The following TMEM272 variants were observed in gnomAD, a reference collection of about 807,000 sequenced individuals.
The protein encoded by TMEM272 is transmembrane protein 272.
Under a neutral mutation model 3.7 loss-of-function variants are expected in TMEM272, and 8 were observed. The observed-to-expected ratio is 2.17, with a 90% CI of 1.27 to 3.91. The LOEUF is 3.91. Ranked by LOEUF, TMEM272 falls within the 30% of genes most tolerant of loss-of-function variation. TMEM272 has a pLI of 0.00. For missense variants in TMEM272, 166 were observed against 91.5 expected (o/e 1.81, Z -3.32); for synonymous variants, 63 against 39.8 (o/e 1.58, Z -2.20).
the TMEM272 span, among the ~76,000 whole-genome samples, chr13:51,870,324 T>C: frequency 1.3e-5 from 2 of 152,146 alleles, no homozygotes; most frequent in South Asian, 2.1e-4. Context: ...AAAATACACA[T>C]AGAAAGGGTC....
the TMEM272 span, among the ~76,000 whole-genome samples, chr13:51,852,407 A>T: frequency 6.6e-6 from 1 of 152,206 alleles, no homozygotes; most frequent in Admixed American, 6.5e-5. Context: ...AGTGAACATG[A>T]CAAAGTCTCC....
the TMEM272 span, among the ~76,000 whole-genome samples, chr13:51,896,787 G>A: frequency 1.3e-5 from 2 of 152,184 alleles, no homozygotes; most frequent in Non-Finnish European, 2.9e-5. Flanking sequence ...GAGAACAGTG[G>A]TCTCAGTTGG....
upstream of TMEM272, among the ~76,000 whole-genome samples, chr13:51,847,798 T>G (rs34507703): frequency 0.012 from 1,849 of 152,272 alleles, 15 homozygotes; most frequent in African/African-American, 0.014. Context: ...GAGCACATTT[T>G]AGCCCTGACA....
the TMEM272 span, among the ~76,000 whole-genome samples, chr13:51,861,166 AATACAC>A: frequency 6.6e-6 from 1 of 152,174 alleles, no homozygotes; most frequent in Non-Finnish European, 1.5e-5. Flanking sequence ...AAAAAAGTCA[AATACAC>A]AGACAAAGAA....
the TMEM272 span, among the ~76,000 whole-genome samples, chr13:51,863,706 CACACCAGCT>C: frequency 1.3e-4 from 17 of 128,828 alleles, no homozygotes; most frequent in African/African-American, 4.5e-4. Flanking sequence ...CACACACACA[CACACCAGCT>C]ATGTGTCTTT....
At chr13:51,904,940 A>G in the TMEM272 span, among the ~76,000 whole-genome samples, 1 of 152,176 alleles carries the variant, frequency 6.6e-6, no homozygotes. Flanking sequence ...ACATTTTGGA[A>G]TAGATAATTG....
the TMEM272 span, among the ~76,000 whole-genome samples, chr13:51,860,854 T>C: frequency 2.0e-5 from 3 of 151,286 alleles, no homozygotes; most frequent in Non-Finnish European, 4.4e-5. Context: ...TATATGTATA[T>C]AGAAAAGCAC....
At chr13:51,853,998 T>C in the TMEM272 span, among the ~76,000 whole-genome samples, 1 of 152,194 alleles carries the variant, frequency 6.6e-6, no homozygotes, top group Non-Finnish European at 1.5e-5. Flanking sequence ...TTTAAAATAA[T>C]AGCATTGAAA....
the TMEM272 span, among the ~76,000 whole-genome samples, chr13:51,906,637 A>G: frequency 6.6e-6 from 1 of 152,208 alleles, no homozygotes; most frequent in Admixed American, 6.5e-5. Flanking sequence ...ATAAGAAAAT[A>G]ATATGTCCAT....
At chr13:51,868,843 T>C in the TMEM272 span, among the ~76,000 whole-genome samples, 1 of 152,208 alleles carries the variant, frequency 6.6e-6, no homozygotes, top group East Asian at 1.9e-4. Flanking sequence ...TACTAGAAGA[T>C]TCAGAGGCGC....
the TMEM272 span, among the ~76,000 whole-genome samples, chr13:51,868,896 A>AT: frequency 1.3e-5 from 2 of 152,194 alleles, no homozygotes; most frequent in Non-Finnish European, 2.9e-5. Context: ...TCACCACTAA[A>AT]TTCATCTTCC....
intron 4 of TMEM272, among the ~76,000 whole-genome samples, chr13:51,818,847 G>A (rs1251548961): frequency 2.0e-5 from 3 of 152,176 alleles, no homozygotes; most frequent in Admixed American, 1.3e-4. Context: ...CTGGGGCCGC[G>A]TATTATCTCT....
At chr13:51,852,602 G>A in the TMEM272 span, among the ~76,000 whole-genome samples, 66 of 152,258 alleles carry the variant, frequency 4.3e-4, no homozygotes, top group African/African-American at 1.3e-3. Flanking sequence ...ACCCGCGGCC[G>A]GGCGCGGTGG....
At chr13:51,865,806 G>A in the TMEM272 span, 1 of 1,614,216 alleles carries the variant, frequency 6.2e-7, no homozygotes, top group African/African-American at 1.3e-5. Context: ...AATGCCTTAT[G>A]GGAAAGAGAC....
chr13:51,869,466 T>TA, the TMEM272 span, among the ~76,000 whole-genome samples: 2 of 151,202 alleles, frequency 1.3e-5, no homozygotes, highest in African/African-American at 2.4e-5. Flanking sequence ...CACTTTAAGT[T>TA]AAAAAACCCA....
the TMEM272 span, among the ~76,000 whole-genome samples, chr13:51,875,214 T>C: frequency 6.6e-6 from 1 of 152,194 alleles, no homozygotes; most frequent in South Asian, 2.1e-4. Flanking sequence ...GGTGCTAGTA[T>C]TAGCTTTGGT....
chr13:51,826,512 C>A, intron 3 of TMEM272, 54 bp downstream of exon 3: 1 of 701,932 alleles, frequency 1.4e-6, no homozygotes, highest in South Asian at 1.5e-5. Context: ...TGCCTTGGGT[C>A]CATGCCCCAA....
At chr13:51,819,703 G>A (rs1390865517) in intron 4 of TMEM272, among the ~76,000 whole-genome samples, 4 of 152,144 alleles carry the variant, frequency 2.6e-5, no homozygotes, top group Non-Finnish European at 5.9e-5. Flanking sequence ...AAAGGGGCAC[G>A]GTGAGGACTG....
At chr13:51,856,939 A>G in the TMEM272 span, among the ~76,000 whole-genome samples, 6 of 152,226 alleles carry the variant, frequency 3.9e-5, no homozygotes, top group Non-Finnish European at 8.8e-5. Flanking sequence ...AATACGTCTG[A>G]ATAAGAAAAC....
Sources: gnomAD v4.1 joint callset for allele counts (sites outside exome capture counted in the v4.1 genomes callset) on GRCh38, gnomAD v4.1.1 for gene constraint, MANE v1.5 for transcripts, NCBI Gene and HGNC (gene_info 2026-07-23, HGNC 2026-07-21) for gene names.